The following SLC35D2 variants were observed in gnomAD, a reference collection of about 807,000 sequenced individuals.
SLC35D2 encodes solute carrier family 35 member D2, also known as nucleotide sugar transporter SLC35D2.
Under a neutral mutation model 41.8 loss-of-function variants are expected in SLC35D2, and 43 were observed. That is an observed-to-expected ratio of 1.03 (90% CI 0.81 to 1.33). The LOEUF is 1.33. Ranked by LOEUF, SLC35D2 falls within the 40% of genes most tolerant of loss-of-function variation. The pLI is 0.00. For synonymous variants in SLC35D2, 150 were observed against 163.9 expected (o/e 0.92, Z 0.65); for missense variants, 380 against 408.4 (o/e 0.93, Z 0.60).
chr9:96,367,331 T>C (rs1830514488), intron 2 of SLC35D2, among the ~76,000 whole-genome samples: 1 of 152,104 alleles, frequency 6.6e-6, no homozygotes, highest in African/African-American at 2.4e-5. Context: ...GTTAAGCTTT[T>C]CCCTCTATGA....
downstream of SLC35D2, among the ~76,000 whole-genome samples, chr9:96,319,315 G>C (rs1226592142): frequency 6.6e-6 from 1 of 152,126 alleles, no homozygotes; most frequent in African/African-American, 2.4e-5. Flanking sequence ...AAAGAGAGTA[G>C]AATGGGGGTT....
chr9:96,372,899 GTTTT>G (rs977724459), intron 1 of SLC35D2, among the ~76,000 whole-genome samples: 51 of 143,488 alleles, frequency 3.6e-4, no homozygotes, highest in Non-Finnish European at 3.5e-4. Flanking sequence ...TTGTTCTTTT[GTTTT>G]TTTGTTTTTT....
At chr9:96,347,062 G>A (rs960131990) in intron 6 of SLC35D2, among the ~76,000 whole-genome samples, 1 of 152,194 alleles carries the variant, frequency 6.6e-6, no homozygotes, top group Non-Finnish European at 1.5e-5. Context: ...CTTGAACCAG[G>A]GAGGCAGAGG....
intron 5 of SLC35D2, among the ~76,000 whole-genome samples, chr9:96,351,787 T>C (rs1449798724): frequency 1.3e-5 from 2 of 152,206 alleles, no homozygotes; most frequent in Admixed American, 1.3e-4. Flanking sequence ...ACATCCTTTT[T>C]GGAGTGTTTC....
At chr9:96,346,271 A>T (rs1376562189) in intron 6 of SLC35D2, among the ~76,000 whole-genome samples, 1 of 152,128 alleles carries the variant, frequency 6.6e-6, no homozygotes, top group African/African-American at 2.4e-5. Flanking sequence ...TCAAAGAAAC[A>T]GTTAGACTTG....
chr9:96,358,243 C>T (rs1038600758), intron 4 of SLC35D2, among the ~76,000 whole-genome samples: 7 of 151,648 alleles, frequency 4.6e-5, no homozygotes, highest in African/African-American at 1.7e-4. Context: ...AATTCTACTT[C>T]TATGAGATGT....
chr9:96,363,160 C>A (rs1367959079), intron 3 of SLC35D2, among the ~76,000 whole-genome samples: 2 of 150,936 alleles, frequency 1.3e-5, no homozygotes, highest in Non-Finnish European at 2.9e-5. Flanking sequence ...AGCCACCCCA[C>A]CTGGCTTATT....
chr9:96,324,988 A>G (rs1239163941), intron 9 of SLC35D2, among the ~76,000 whole-genome samples: 1 of 152,288 alleles, frequency 6.6e-6, no homozygotes, highest in East Asian at 1.9e-4. Flanking sequence ...AGAGCAGAGG[A>G]CCTCTGGTGT....
chr9:96,350,227 G>A (rs1387289626), intron 6 of SLC35D2, among the ~76,000 whole-genome samples: 8 of 151,876 alleles, frequency 5.3e-5, no homozygotes, highest in Admixed American at 2.0e-4. Flanking sequence ...CTAGAATGCA[G>A]TGGTGCAATC....
chr9:96,322,369 A>T (rs941536483), intron 10 of SLC35D2, among the ~76,000 whole-genome samples: 2 of 152,038 alleles, frequency 1.3e-5, no homozygotes, highest in African/African-American at 2.4e-5. Context: ...AAATTTTTTA[A>T]AAGTAGCCGG....
At position 96,336,798 on chromosome 9, in the gene SLC35D2, GA is replaced by G. The variant is rs1420758899; in HGVS notation, c.685-15del. The G allele has an allele frequency of 7.6e-6, 11 of 1,452,056 alleles. No homozygotes were observed. Among genetic ancestry groups the G allele is most frequent in the South Asian group, 2.4e-5 (2 of 82,210 alleles). The allele number at this position is 1,452,056 out of a possible 1,614,324, so 89.9% of individuals were successfully genotyped here. A position where few individuals can be genotyped will look rare whatever the true frequency, so the allele number is the denominator to read the frequency against. Reference sequence around the variant, plus strand: ...GAATTCAGTAGCCTATTATTAAAAAGAAAAAAACTAATGATTAGGTTAATAA... The same window carrying G: ...GAATTCAGTAGCCTATTATTAAAAAGAAAAAACTAATGATTAGGTTAATAA... On this transcript the variant is annotated splice_polypyrimidine_tract_variant and intron_variant, in intron 8 of 11. Transcript: ENST00000253270.
At chr9:96,314,812 C>T (rs1370959503) in exon 12 of SLC35D2, 1 of 152,062 alleles carries the variant, frequency 6.6e-6, no homozygotes, top group African/African-American at 2.4e-5. Flanking sequence ...TGGTCTTCTC[C>T]CAGTTGGATC....
At chr9:96,379,272 A>C (rs935371107) in intron 1 of SLC35D2, among the ~76,000 whole-genome samples, 30 of 150,924 alleles carry the variant, frequency 2.0e-4, no homozygotes, top group African/African-American at 7.0e-4. Flanking sequence ...GTGCCACTGC[A>C]CTTCAGCCTG....
rs189686577 is a variant in SLC35D2, at chr9:96,341,163, T to C, written c.684+2741A>G. Among the ~76,000 whole-genome samples, 371 of 152,246 alleles carry C rather than the reference T, an allele frequency of 2.4e-3. 1 individual carries two copies. The highest frequency in any genetic ancestry group is 8.3e-3 in the African/African-American group (346 of 41,546). ...TTAGCTGGGTGTGGTGGTGCGCTCC[T>C]GTAATGCCAGCTACTCAGGAGGCCG... On this transcript the variant is annotated intron_variant, in intron 8 of 11. Transcript: ENST00000253270.
chr9:96,375,625 T>C (rs1393857135), intron 1 of SLC35D2, among the ~76,000 whole-genome samples: 1 of 152,106 alleles, frequency 6.6e-6, no homozygotes, highest in East Asian at 1.9e-4. Context: ...ATTATTATTG[T>C]CTTCTTTGCT....
At chr9:96,357,644 G>A (rs1830082409) in intron 4 of SLC35D2, 1 of 152,166 alleles carries the variant, frequency 6.6e-6, no homozygotes, top group Non-Finnish European at 1.5e-5. Context: ...AAGTATAGAA[G>A]TAAATCTTTA....
At chr9:96,371,133 T>C (rs1830656609) in intron 1 of SLC35D2, among the ~76,000 whole-genome samples, 3 of 152,080 alleles carry the variant, frequency 2.0e-5, no homozygotes. Flanking sequence ...TATATTGAAT[T>C]CCATTCTATA....
chr9:96,349,373 G>A (rs1829715404), intron 6 of SLC35D2, among the ~76,000 whole-genome samples: 1 of 152,038 alleles, frequency 6.6e-6, no homozygotes, highest in Non-Finnish European at 1.5e-5. Context: ...ACTCCCAAAA[G>A]CATTGTCCCC....
At chr9:96,341,041 C>A (rs538849722) in intron 8 of SLC35D2, among the ~76,000 whole-genome samples, 1 of 152,248 alleles carries the variant, frequency 6.6e-6, no homozygotes, top group South Asian at 2.1e-4. Flanking sequence ...AATCCCAGCA[C>A]TTTGGGAGGC....
Sources: allele counts gnomAD v4.1 joint callset (sites outside exome capture counted in the v4.1 genomes callset), GRCh38; gene constraint gnomAD v4.1.1; transcripts MANE v1.5; gene names NCBI Gene and HGNC (gene_info 2026-07-23, HGNC 2026-07-21).